Variants in JAK2 observed in about 807,000 individuals in gnomAD.
The protein encoded by JAK2 is Janus kinase 2.
JAK2 carries 86 observed loss-of-function variants against 139.3 expected under a neutral mutation model. The observed-to-expected ratio is 0.62, with a 90% confidence interval of 0.52 to 0.74. JAK2 has a LOEUF of 0.74. JAK2 is among the 30% of genes least tolerant of loss of function. The pLI, the probability that JAK2 is intolerant of heterozygous loss-of-function variation, is 0.00. For synonymous variants in JAK2, 490 were observed against 437.7 expected, an observed-to-expected ratio of 1.12 and a Z score of -1.49; for missense variants, 1,421 against 1,360.3, an observed-to-expected ratio of 1.04 and a Z score of -0.70.
chr9:5,123,327 A>C (rs1389341578), intron 23 of JAK2, among the ~76,000 whole-genome samples: 1 of 151,888 alleles, frequency 6.6e-6, no homozygotes, highest in Non-Finnish European at 1.5e-5. Context: ...CACCCTTCCA[A>C]GTCTCTATTG....
At chr9:5,078,513 G>T in intron 16 of JAK2, 69 bp downstream of exon 16, 1 of 1,204,082 alleles carries the variant, frequency 8.3e-7, no homozygotes, top group South Asian at 1.6e-5. Context: ...AGGGCATGTT[G>T]TTAATTTTCC....
chr9:5,102,817 TA>T (rs1821615829), intron 22 of JAK2, among the ~76,000 whole-genome samples: 1 of 152,128 alleles, frequency 6.6e-6, no homozygotes, highest in Non-Finnish European at 1.5e-5. Flanking sequence ...GAAGGAGAAA[TA>T]AAATCCTTTA....
chr9:5,042,914 G>A (rs983572712), intron 4 of JAK2, among the ~76,000 whole-genome samples: 2 of 152,188 alleles, frequency 1.3e-5, no homozygotes, highest in African/African-American at 2.4e-5. Flanking sequence ...CGAGGGGCAG[G>A]TGGGCCCTGC....
chr9:5,075,020 A>C (rs922404388), intron 14 of JAK2, among the ~76,000 whole-genome samples: 42 of 152,086 alleles, frequency 2.8e-4, no homozygotes, highest in African/African-American at 9.9e-4. Context: ...TTCTAGATAG[A>C]AGATCAAACC....
At chr9:5,029,030 A>AG in intron 3 of JAK2, among the ~76,000 whole-genome samples, 1 of 152,228 alleles carries the variant, frequency 6.6e-6, no homozygotes. Flanking sequence ...CTGGTGCAGG[A>AG]GGCCTGGCTT....
intron 22 of JAK2, chr9:5,111,461 T>C (rs1228851794): frequency 2.6e-6 from 1 of 384,842 alleles, no homozygotes; most frequent in African/African-American, 2.1e-5. Flanking sequence ...ATCCTCGGCG[T>C]ACCTGCCCAG....
rs1252432803 is a variant in JAK2 at position 5,073,760 on chromosome 9, T to C, written c.1839T>C (p.Tyr613=). 1 of 1,610,988 alleles carries C rather than the reference T, an allele frequency of 6.2e-7. No individual in the cohort carries two copies. The highest frequency in any genetic ancestry group is 8.5e-7 in the Non-Finnish European group (1 of 1,177,608). The change falls in exon 14 of 25, where the codon TAT becomes TAC. Residue 613 remains tyrosine (Y), a synonymous_variant. Coordinates refer to ENST00000381652, the MANE Select transcript of JAK2 (RefSeq NM_004972.4). ...CTCACAAGCATTTGGTTTTAAATTA[T>C]GGAGTATGTGTCTGTGGAGACGAGA... ...KLSHKHLVLN[Y]GVCVCGDENI... is the part of the protein sequence containing the mutation.
At chr9:5,111,383 C>A (rs919369205) in intron 22 of JAK2, 5 of 367,974 alleles carry the variant, frequency 1.4e-5, no homozygotes, top group Admixed American at 3.7e-5. Flanking sequence ...GCAGCTCTGG[C>A]GGACAGAGGC....
At chr9:5,020,244 G>A (rs955688699) in intron 2 of JAK2, among the ~76,000 whole-genome samples, 4 of 152,172 alleles carry the variant, frequency 2.6e-5, no homozygotes, top group African/African-American at 9.7e-5. Context: ...AGCTGTGGTG[G>A]TAGTGGCAGG....
At chr9:5,009,212 A>C (rs949947320) in intron 2 of JAK2, among the ~76,000 whole-genome samples, 5 of 149,308 alleles carry the variant, frequency 3.3e-5, no homozygotes, top group Non-Finnish European at 6.1e-5. Flanking sequence ...AGCAGGTGTT[A>C]AACACCTGTG....
intron 6 of JAK2, among the ~76,000 whole-genome samples, chr9:5,051,092 A>C (rs145162472): frequency 4.6e-5 from 7 of 152,202 alleles, no homozygotes; most frequent in African/African-American, 1.7e-4. Flanking sequence ...TTGACGTTCA[A>C]AAAGTTCTGG....
At chr9:5,035,141 G>C (rs1262740593) in intron 4 of JAK2, among the ~76,000 whole-genome samples, 1 of 152,124 alleles carries the variant, frequency 6.6e-6, no homozygotes, top group African/African-American at 2.4e-5. Flanking sequence ...AGAATAAATG[G>C]ATAAATTCCT....
In JAK2 at chr9:5,082,551, C is replaced by G. The variant is rs186074796; in HGVS notation, c.2571+690C>G. Among the ~76,000 whole-genome samples, 776 of 152,336 alleles carry G rather than the reference C, an allele frequency of 5.1e-3. 12 individuals carry two copies. The highest frequency in any genetic ancestry group is 0.018 in the African/African-American group (745 of 41,572). ...GGGCAGGCAGGAGACAGTGGCCTTC[C>G]TCTTTTACTAATCCTCCCCAGCACA... On this transcript the variant is annotated intron_variant, in intron 19 of 24. Transcript: ENST00000381652.
chr9:5,025,550 T>TC (rs1822727925), intron 3 of JAK2, among the ~76,000 whole-genome samples: 1 of 151,734 alleles, frequency 6.6e-6, no homozygotes, highest in African/African-American at 2.4e-5. Flanking sequence ...TTTTTTTTTT[T>TC]TGAGACTGAG....
chr9:5,053,730 AT>A (rs1233020073), intron 6 of JAK2, among the ~76,000 whole-genome samples: 1 of 151,934 alleles, frequency 6.6e-6, no homozygotes, highest in Non-Finnish European at 1.5e-5. Context: ...GAGATTTTAC[AT>A]TTTATACGGG....
intron 2 of JAK2, among the ~76,000 whole-genome samples, chr9:5,014,190 GAC>G (rs1167029541): frequency 7.5e-6 from 1 of 132,772 alleles, no homozygotes; most frequent in Non-Finnish European, 1.6e-5. Context: ...TTTTCGTAGA[GAC>G]AGGTTCTCAC....
chr9:5,002,349 G>T (rs933609456), intron 2 of JAK2, among the ~76,000 whole-genome samples: 2 of 151,620 alleles, frequency 1.3e-5, no homozygotes, highest in Non-Finnish European at 3.0e-5. Context: ...TATCATTCAG[G>T]TGAAAATAAT....
intron 2 of JAK2, among the ~76,000 whole-genome samples, chr9:4,995,684 G>A (rs1344620872): frequency 6.6e-6 from 1 of 152,106 alleles, no homozygotes; most frequent in Non-Finnish European, 1.5e-5. Flanking sequence ...ATATTTATTA[G>A]CATATGGGAG....
intron 22 of JAK2, chr9:5,097,236 A>G (rs542867191): frequency 2.6e-5 from 4 of 152,206 alleles, no homozygotes; most frequent in African/African-American, 9.6e-5. Context: ...CATTACAGCA[A>G]TCCTACTCCT....
Sources: gnomAD v4.1 joint callset for allele counts (sites outside exome capture counted in the v4.1 genomes callset) on GRCh38, gnomAD v4.1.1 for gene constraint, MANE v1.5 for transcripts, NCBI Gene and HGNC (gene_info 2026-07-23, HGNC 2026-07-21) for gene names.